The following MCM3AP variants were observed in gnomAD, a reference collection of about 807,000 sequenced individuals.
MCM3AP encodes germinal-center associated nuclear protein.
MCM3AP carries 126 observed loss-of-function variants against 184.1 expected under a neutral mutation model. The observed-to-expected ratio is 0.68, with a 90% CI of 0.59 to 0.79. The LOEUF (loss-of-function observed/expected upper bound fraction) is 0.79, where lower values mean the gene tolerates loss of function less well. Among genes scored for constraint, MCM3AP ranks in the 30% least tolerant of loss-of-function variants. MCM3AP has a pLI of 0.00. For synonymous variants in MCM3AP, 1,002 were observed against 979.3 expected (o/e 1.02, Z -0.43); for missense variants, 2,496 against 2,479.2 (o/e 1.01, Z -0.14).
chr21:46,275,840 G>A (rs571217371), intron 5 of MCM3AP, among the ~76,000 whole-genome samples: 4 of 152,278 alleles, frequency 2.6e-5, no homozygotes, highest in African/African-American at 9.6e-5. Context: ...CGTTAACTGG[G>A]TTCTTACCTG....
In MCM3AP at chr21:46,284,975, C is replaced by G; in HGVS notation, c.312G>C (p.Val104=). ...TAAAACTAAATCCTGTGTTTCCCAG[C>G]ACAGATGAACTTGAAGGCCCAGAGG... ...VATSGPSSSS[V]LGNTGFSFKS... Residue 104 remains valine (V), a synonymous_variant, in exon 1 of 28, where the codon GTG becomes GTC. Transcript: ENST00000291688. 1 of 1,614,122 alleles carries G rather than the reference C, an allele frequency of 6.2e-7. No individual in the cohort carries two copies. The highest frequency in any genetic ancestry group is 8.5e-7 in the Non-Finnish European group (1 of 1,180,036).
chr21:46,276,739 CA>C (rs1391984265), intron 5 of MCM3AP, among the ~76,000 whole-genome samples: 1 of 119,042 alleles, frequency 8.4e-6, no homozygotes, highest in East Asian at 2.2e-4. Flanking sequence ...CCACGCCCAG[CA>C]TTTTTTTTTT....
At chr21:46,283,494 T>C (rs2081358328) in intron 2 of MCM3AP, 121 bp downstream of exon 2, 3 of 651,538 alleles carry the variant, frequency 4.6e-6, no homozygotes, top group Admixed American at 2.8e-5. Flanking sequence ...GCTAATAAGA[T>C]ATTTGAGTAC....
At chr21:46,251,774 GAA>G (rs2080873494) in intron 19 of MCM3AP, 92 bp from the exon 20 acceptor site, 8 of 775,976 alleles carry the variant, frequency 1.0e-5, no homozygotes, top group African/African-American at 1.8e-5. Context: ...AAAGAAGAAA[GAA>G]AAATATCACA....
intron 10 of MCM3AP, 152 bp from the exon 11 acceptor site, chr21:46,266,318 C>T (rs1192870117): frequency 4.0e-6 from 3 of 750,246 alleles, no homozygotes; most frequent in Non-Finnish European, 6.2e-6. Context: ...CACTGCCGCC[C>T]ACCCTGGAGC....
intron 22 of MCM3AP, among the ~76,000 whole-genome samples, chr21:46,245,495 T>A (rs1307564705): frequency 6.6e-6 from 1 of 152,232 alleles, no homozygotes; most frequent in Non-Finnish European, 1.5e-5. Flanking sequence ...AAACCAGCCC[T>A]GAACATCCCC....
At position 46,242,912 on chromosome 21, in the gene MCM3AP, A is replaced by T; in HGVS notation, c.5316T>A (p.Gly1772=). The stretch of plus-strand genomic sequence containing the variant: ...TTTTAAAAAAATACACACATATCTG[A>T]CCATCTTCACTCAGCGCCTCTGAGA... ...PVTSEALSED[G]QICVYFFKND... Residue 1772 remains glycine (G), a synonymous_variant, in exon 25 of 28, where the codon GGT becomes GGA. Transcript: ENST00000291688. The T allele has an allele frequency of 6.2e-7, 1 of 1,611,752 alleles. No homozygotes were observed. The highest frequency in any genetic ancestry group is 8.5e-7 in the Non-Finnish European group (1 of 1,179,076).
Position 46,251,655 on chromosome 21 carries a change from C to A in MCM3AP, c.4164G>T (p.Lys1388Asn). Reference protein sequence around the residue: ...GRILANWLKVKFMGDEGSVDD... With the variant: ...GRILANWLKVNFMGDEGSVDD... The stretch of plus-strand genomic sequence containing the variant: ...CCACTGAGCCTTCATCTCCCATGAA[C>A]TTGACTTTTAACCAATTTGCTAGAA... Residue 1388 changes from lysine to asparagine, a missense_variant, in exon 20 of 28, where the codon AAG becomes AAT. Around this residue, in one of 5 missense-constraint regions of MCM3AP, gnomAD observed 1,323 missense variants for 1,273.4 expected, o/e 1.04. Coordinates refer to ENST00000291688, the MANE Select transcript of MCM3AP (RefSeq NM_003906.5). The A allele has an allele frequency of 6.3e-7, 1 of 1,597,974 alleles. No individual in the cohort carries two copies. Among genetic ancestry groups the A allele is most frequent in the Non-Finnish European group, 8.6e-7 (1 of 1,166,948 alleles).
At chr21:46,252,452 G>GT in intron 19 of MCM3AP, 1 of 152,232 alleles carries the variant, frequency 6.6e-6, no homozygotes, top group Admixed American at 6.5e-5. Context: ...CACCTTGGGA[G>GT]GCCAAGGCAG....
chr21:46,266,060 CA>C lies in MCM3AP; in HGVS notation c.2895del (p.Ile965MetfsTer2). 6.2e-7 allele frequency: 1 copy of C among 1,612,536 alleles called. No individual in the cohort carries two copies. The highest frequency in any genetic ancestry group is 8.5e-7 in the Non-Finnish European group (1 of 1,179,384). Reference protein sequence around the residue: ...TRKLTVSVGEIVNGGPLPPVP... With the variant: ...TRKLTVSVGEXVNGGPLPPVP... Reference sequence around the variant, plus strand: ...ACGGGGGGCAATGGCCCTCCGTTCACAATTTCCCCGACTGACACCGTCAGCT... The same window carrying C: ...ACGGGGGGCAATGGCCCTCCGTTCACATTTCCCCGACTGACACCGTCAGCT... On this transcript the variant is annotated frameshift_variant, in exon 11 of 28. Transcript: ENST00000291688. LOFTEE classifies it high-confidence loss of function.
chr21:46,284,019 A>C (rs1397383520), intron 1 of MCM3AP, 49 bp downstream of exon 1: 2 of 1,570,890 alleles, frequency 1.3e-6, no homozygotes, highest in South Asian at 2.4e-5. Context: ...AAACGTATTG[A>C]AAACCTGCCT....
At position 46,284,415 on chromosome 21, in the gene MCM3AP, A is replaced by G. The variant is rs2081375146; in HGVS notation, c.872T>C (p.Leu291Pro). 1 of 1,613,920 alleles carries G rather than the reference A, an allele frequency of 6.2e-7. No individual in the cohort carries two copies. Among genetic ancestry groups the G allele is most frequent in the Non-Finnish European group, 8.5e-7 (1 of 1,180,018 alleles). The change falls in exon 1 of 28, where the codon CTG becomes CCG. Residue 291 changes from leucine (L) to proline (P), a missense_variant. Leu to Pro is a moderately conservative substitution (Grantham distance 98). Transcript: ENST00000291688. ...VEPLPSLMKGLKRKEDQDRSP... is the reference protein window; with the variant it reads ...VEPLPSLMKGPKRKEDQDRSP... ...GCGATCCTGGTCCTCCTTCCTTTTC[A>G]GTCCTTTCATTAGGCTGGGAAGTGG...
chr21:46,265,627 C>A (rs1359132412), intron 11 of MCM3AP, 104 bp from the exon 12 acceptor site: 1 of 956,340 alleles, frequency 1.0e-6, no homozygotes, highest in African/African-American at 1.7e-5. Flanking sequence ...CCCACAGTGA[C>A]CCTGAGGACT....
At chr21:46,245,902 A>G (rs2080757951) in intron 22 of MCM3AP, among the ~76,000 whole-genome samples, 1 of 152,272 alleles carries the variant, frequency 6.6e-6, no homozygotes, top group South Asian at 2.1e-4. Flanking sequence ...ACCTTCAGAT[A>G]TAAGACATGT....
At position 46,273,534 on chromosome 21, in the gene MCM3AP, C is replaced by A. The variant is rs2081213133; in HGVS notation, c.2050G>T (p.Glu684Ter). 2 of 1,613,780 alleles carry A rather than the reference C, an allele frequency of 1.2e-6. No individual in the cohort carries two copies. The highest frequency in any genetic ancestry group is 1.7e-6 in the Non-Finnish European group (2 of 1,179,874). ...KEYSRSSADQEEPLPHELRPL... is the reference protein window; with the variant it reads ...KEYSRSSADQ ...CGCAGCTCGTGGGGCAGGGGCTCCTCCTGATCCGCCGAGGACCGACTGTAC... is the reference window on the plus strand; with the variant it reads ...CGCAGCTCGTGGGGCAGGGGCTCCTACTGATCCGCCGAGGACCGACTGTAC... The change falls in exon 7 of 28, where the codon GAG (glutamate) becomes TAG (stop). Residue 684 changes from glutamate (E) to a stop codon, truncating the protein, a stop_gained. Transcript: ENST00000291688. LOFTEE classifies it high-confidence loss of function.
intron 10 of MCM3AP, 188 bp downstream of exon 10, chr21:46,266,794 A>G (rs2081117855): frequency 6.5e-6 from 4 of 616,872 alleles, no homozygotes; most frequent in Non-Finnish European, 1.1e-5. Context: ...TGAGCCCTCA[A>G]TGTGCTGACA....
chr21:46,267,586 T>TAA (rs113683191), intron 9 of MCM3AP: 53 of 144,078 alleles, frequency 3.7e-4, no homozygotes, highest in Middle Eastern at 3.5e-3. Flanking sequence ...ACAAGAGCCT[T>TAA]AAAAAAAAAA....
chr21:46,283,697 T>C lies in MCM3AP; in HGVS notation c.1361A>G (p.Asn454Ser). ...CACTTTAGCAATTTTGCCAAAATGG[T>C]TCTCCAGAATGGTCCTGTCGTTGAG... Reference protein sequence around the residue: ...DYLNDRTILENHFGKIAKVQR... With the variant: ...DYLNDRTILESHFGKIAKVQR... Residue 454 changes from asparagine (N) to serine (S), a missense_variant, in exon 2 of 28, where the codon AAC (asparagine) becomes AGC (serine). Transcript: ENST00000291688. 2 of 1,614,174 alleles carry C rather than the reference T, an allele frequency of 1.2e-6. No individual in the cohort carries two copies. Among genetic ancestry groups the C allele is most frequent in the South Asian group, 2.2e-5 (2 of 91,076 alleles).
rs2081039888 is a variant in MCM3AP, at chr21:46,261,429, G to C, written c.3336-18C>G. 1 of 1,612,174 alleles carries C rather than the reference G, an allele frequency of 6.2e-7. No homozygotes were observed. The highest frequency in any genetic ancestry group is 8.5e-7 in the Non-Finnish European group (1 of 1,179,092). On this transcript the variant is annotated intron_variant, in intron 13 of 27. Coordinates refer to ENST00000291688, the MANE Select transcript of MCM3AP (RefSeq NM_003906.5). ...TAGAAACACTAAACGGAGCAAAGGG[G>C]ATAGCATTCAAAATCAGAGTCAAGG... is the stretch of plus-strand genomic sequence containing the variant.
Sources: gnomAD v4.1 joint callset for allele counts (sites outside exome capture counted in the v4.1 genomes callset) on GRCh38, gnomAD v4.1.1 for gene constraint, gnomAD v4.1.1 regional missense constraint, MANE v1.5 for transcripts, NCBI Gene and HGNC (gene_info 2026-07-23, HGNC 2026-07-21) for gene names.